The following SGCD variants were observed in gnomAD, a reference collection of about 807,000 sequenced individuals.
The protein encoded by SGCD is sarcoglycan delta.
In SGCD, 18 loss-of-function variants were observed where a neutral mutation model predicts 36.6. That is an observed-to-expected ratio of 0.49 (90% CI 0.34 to 0.73). The LOEUF (loss-of-function observed/expected upper bound fraction) is 0.73, where lower values mean the gene tolerates loss of function less well. SGCD is among the 30% of genes least tolerant of loss of function. The pLI is 0.01. For synonymous variants in SGCD, 133 were observed against 130.6 expected (o/e 1.02, Z -0.12); for missense variants, 387 against 346.7 (o/e 1.12, Z -0.92).
chr5:156,225,676 C>CAATAATACTATTA (rs1764835862), intron 3 of SGCD, among the ~76,000 whole-genome samples: 1 of 152,002 alleles, frequency 6.6e-6, no homozygotes, highest in South Asian at 2.1e-4. Flanking sequence ...TGATTATTGT[C>CAATAATACTATTA]TCTATCAATA....
At chr5:156,585,636 T>G (rs1156562612) in intron 4 of SGCD, among the ~76,000 whole-genome samples, 1 of 152,190 alleles carries the variant, frequency 6.6e-6, no homozygotes, top group Non-Finnish European at 1.5e-5. Flanking sequence ...GAATTTGCTG[T>G]GAGAGGACCC....
upstream of SGCD, among the ~76,000 whole-genome samples, chr5:155,868,949 T>C (rs1755576904): frequency 6.6e-6 from 1 of 152,166 alleles, no homozygotes; most frequent in East Asian, 1.9e-4. Context: ...TTATTTAGAA[T>C]TTGCTAAAAT....
At chr5:155,877,182 T>A (rs1445244718) in intron 1 of SGCD, among the ~76,000 whole-genome samples, 8 of 152,092 alleles carry the variant, frequency 5.3e-5, no homozygotes, top group Admixed American at 5.2e-4. Flanking sequence ...AGGATTAAAT[T>A]CAGTCCAACT....
intron 4 of SGCD, among the ~76,000 whole-genome samples, chr5:156,510,106 G>T (rs980039141): frequency 6.6e-6 from 1 of 152,270 alleles, no homozygotes; most frequent in Admixed American, 6.5e-5. Flanking sequence ...TTTCAAATAA[G>T]TTTACTTTCT....
At chr5:156,202,995 C>T (rs751379304) in intron 3 of SGCD, among the ~76,000 whole-genome samples, 3 of 151,998 alleles carry the variant, frequency 2.0e-5, no homozygotes, top group African/African-American at 7.2e-5. Flanking sequence ...ATTATTAAAG[C>T]TTTGATATAC....
At chr5:155,872,600 CTG>C (rs1755678325) in intron 1 of SGCD, among the ~76,000 whole-genome samples, 1 of 152,130 alleles carries the variant, frequency 6.6e-6, no homozygotes, top group South Asian at 2.1e-4. Context: ...GTAATGTACA[CTG>C]TGTACATTTC....
the SGCD span, among the ~76,000 whole-genome samples, chr5:155,848,264 C>G: frequency 3.9e-5 from 6 of 152,134 alleles, no homozygotes; most frequent in East Asian, 7.7e-4. Flanking sequence ...ATTGAGTGAG[C>G]CTTTTAGTAC....
intron 8 of SGCD, 97 bp downstream of exon 8, chr5:156,757,801 A>G: frequency 1.4e-6 from 2 of 1,436,684 alleles, no homozygotes; most frequent in Non-Finnish European, 1.8e-6. Context: ...CCTACAGTGT[A>G]TCAACAAAAG....
intron 7 of SGCD, among the ~76,000 whole-genome samples, chr5:156,717,150 T>TA (rs1327592725): frequency 6.6e-6 from 1 of 152,210 alleles, no homozygotes; most frequent in African/African-American, 2.4e-5. Flanking sequence ...CCTCTTAAAG[T>TA]AATGCTAAGA....
rs1464101337 is a variant in SGCD at position 155,975,630 on chromosome 5, T to C, written c.-282+105206T>C. On this transcript the variant is annotated intron_variant, in intron 1 of 9. Transcript: ENST00000517913. ...TTTCCTTTTTTTTTTTTTTTTTTTT[T>C]TTTTTTTTTTTTTTTTGAGACGGAG... Among the ~76,000 whole-genome samples, 5 of 99,244 alleles carry C rather than the reference T, an allele frequency of 5.0e-5. 1 individual carries two copies. The highest frequency in any genetic ancestry group is 1.7e-4 in the African/African-American group (4 of 23,928). 65.1% of individuals were successfully genotyped at this position (99,244 alleles called of 152,430 possible). A position where few individuals can be genotyped will look rare whatever the true frequency, so the allele number is the denominator to read the frequency against.
At chr5:156,113,337 A>G (rs750999297) in intron 1 of SGCD, among the ~76,000 whole-genome samples, 2 of 151,994 alleles carry the variant, frequency 1.3e-5, no homozygotes, top group Admixed American at 6.6e-5. Flanking sequence ...CTTTGCATTT[A>G]TTTATTTATT....
chr5:155,999,677 C>G (rs1758624501), intron 1 of SGCD, among the ~76,000 whole-genome samples: 1 of 152,176 alleles, frequency 6.6e-6, no homozygotes, highest in South Asian at 2.1e-4. Context: ...TTTCGTCTTC[C>G]TTAGAAACCC....
chr5:156,653,492 G>GTTTTTTTTTTTTTT (rs1561839559), intron 7 of SGCD, among the ~76,000 whole-genome samples: 8 of 5,832 alleles, frequency 1.4e-3, no homozygotes, highest in African/African-American at 2.3e-3. Context: ...TCTAAAGCTT[G>GTTTTTTTTTTTTTT]CTTTTTTTTT....
At chr5:156,122,843 TAAAAAAAAAAAAAAAAAAAAAAAAAAAA>T (rs33983852) in intron 2 of SGCD, among the ~76,000 whole-genome samples, 2 of 54,154 alleles carry the variant, frequency 3.7e-5, no homozygotes, top group Admixed American at 2.5e-4. Context: ...AAAGATGTGG[TAAAAAAAAAAAAAAAAAAAAAAAAAAAA>T]AAAAAAAAAA....
chr5:156,332,884 T>C (rs1768138705), intron 2 of SGCD, among the ~76,000 whole-genome samples: 1 of 152,238 alleles, frequency 6.6e-6, no homozygotes, highest in Admixed American at 6.5e-5. Flanking sequence ...TTCCCAAAGA[T>C]GTTCAGATTT....
chr5:155,823,531 G>A, the SGCD span, among the ~76,000 whole-genome samples: 21 of 152,226 alleles, frequency 1.4e-4, no homozygotes, highest in South Asian at 4.4e-3. Context: ...CAGACAAATG[G>A]ACACGTAAAA....
At chr5:156,529,040 A>G (rs1365092192) in intron 4 of SGCD, among the ~76,000 whole-genome samples, 1 of 152,148 alleles carries the variant, frequency 6.6e-6, no homozygotes, top group Non-Finnish European at 1.5e-5. Context: ...CTTTAGTAGT[A>G]AGAAGATTCC....
chr5:156,365,708 G>A (rs949537656), intron 3 of SGCD, among the ~76,000 whole-genome samples: 1 of 152,000 alleles, frequency 6.6e-6, no homozygotes, highest in Non-Finnish European at 1.5e-5. Context: ...ATGTGTGTAT[G>A]TAGACATATA....
chr5:156,076,954 G>A (rs1416510698), intron 1 of SGCD, among the ~76,000 whole-genome samples: 1 of 152,142 alleles, frequency 6.6e-6, no homozygotes, highest in Non-Finnish European at 1.5e-5. Flanking sequence ...TGGGCCAAAA[G>A]CTTTATATAC....
Sources: allele counts gnomAD v4.1 joint callset (sites outside exome capture counted in the v4.1 genomes callset), GRCh38; gene constraint gnomAD v4.1.1; transcripts MANE v1.5; gene names NCBI Gene and HGNC (gene_info 2026-07-23, HGNC 2026-07-21).